Variants in GABRA3 observed in about 807,000 individuals in gnomAD.
GABRA3 encodes gamma-aminobutyric acid type A receptor subunit alpha3.
Under a neutral mutation model 30.1 loss-of-function variants are expected in GABRA3, and 10 were observed. The observed-to-expected ratio is 0.33, with a 90% CI of 0.20 to 0.56. GABRA3 has a LOEUF of 0.56. GABRA3 is among the 20% of genes least tolerant of loss of function. The pLI, the probability that GABRA3 is intolerant of heterozygous loss-of-function variation, is 0.89. For synonymous variants in GABRA3, 151 were observed against 146.8 expected (o/e 1.03, Z -0.21); for missense variants, 233 against 392.0 (o/e 0.59, Z 3.42).
intron 4 of GABRA3, among the ~76,000 whole-genome samples, chrX:152,257,214 T>A (rs1938651432): frequency 1.8e-5 from 2 of 111,677 alleles, no homozygotes; most frequent in South Asian, 3.8e-4. Flanking sequence ...GTGGAGGAAA[T>A]CTGAAAAAGT....
At chrX:152,189,407 A>T (rs1937295028) in intron 9 of GABRA3, among the ~76,000 whole-genome samples, 1 of 111,882 alleles carries the variant, frequency 8.9e-6, no homozygotes, top group Admixed American at 9.5e-5. Flanking sequence ...GGCCTTAGAG[A>T]TTGTACTCTG....
chrX:152,393,258 T>C (rs985362740), intron 1 of GABRA3, among the ~76,000 whole-genome samples: 1 of 112,424 alleles, frequency 8.9e-6, no homozygotes. Context: ...ATTTGACTGA[T>C]GTACAATTAG....
chrX:152,264,946 T>C (rs1326139377), intron 4 of GABRA3, among the ~76,000 whole-genome samples: 1 of 111,337 alleles, frequency 9.0e-6, no homozygotes, highest in Non-Finnish European at 1.9e-5. Context: ...CAATAGGAAA[T>C]AACAATTGTA....
Position 152,263,433 on chromosome X carries a change from T to C in GABRA3, c.331-7435A>G, listed in dbSNP as rs761855139. On this transcript the variant is annotated intron_variant, in intron 4 of 9. Coordinates refer to ENST00000370314, the MANE Select transcript of GABRA3 (RefSeq NM_000808.4). Reference sequence around the variant, plus strand: ...GAACTGAAAAATGCAATAGGCATACTGGAGAATGCATCAGAGTCTTTTAAT... The same window carrying C: ...GAACTGAAAAATGCAATAGGCATACCGGAGAATGCATCAGAGTCTTTTAAT... 2.3e-3 allele frequency among the ~76,000 whole-genome samples: 249 copies of C among 110,178 alleles called. 1 individual carries two copies. The highest frequency in any genetic ancestry group is 7.8e-3 in the African/African-American group (236 of 30,312).
chrX:152,242,028 C>T (rs1262601215), intron 5 of GABRA3, among the ~76,000 whole-genome samples: 1 of 111,704 alleles, frequency 9.0e-6, no homozygotes, highest in Non-Finnish European at 1.9e-5. Context: ...TTGGCTCCTC[C>T]TATTTGATTT....
chrX:152,303,547 G>C (rs1351150297), intron 3 of GABRA3, among the ~76,000 whole-genome samples: 1 of 111,707 alleles, frequency 9.0e-6, no homozygotes, highest in Non-Finnish European at 1.9e-5. Flanking sequence ...CAATAGCAAG[G>C]ACTTGTAACC....
intron 1 of GABRA3, among the ~76,000 whole-genome samples, chrX:152,368,701 CTTTTTTTTTTT>C (rs59912352): frequency 2.0e-5 from 1 of 49,567 alleles, no homozygotes; most frequent in South Asian, 1.6e-3. Context: ...AATTTTTTTT[CTTTTTTTTTTT>C]TTTTTTTTTT....
chrX:152,284,761 G>GA, intron 3 of GABRA3, 26 bp from the exon 4 acceptor site: 1 of 1,091,551 alleles, frequency 9.2e-7, no homozygotes. Flanking sequence ...TAGAAAAGCA[G>GA]AATGTCAGGA....
intron 5 of GABRA3, among the ~76,000 whole-genome samples, chrX:152,229,953 T>C (rs147581848): frequency 0.028 from 2,696 of 96,831 alleles, 44 homozygotes; most frequent in Middle Eastern, 0.066. Flanking sequence ...AACTGATAAA[T>C]GGCACTTACT....
At chrX:152,358,245 T>C (rs1215725923) in intron 2 of GABRA3, among the ~76,000 whole-genome samples, 1 of 111,306 alleles carries the variant, frequency 9.0e-6, no homozygotes, top group Non-Finnish European at 1.9e-5. Context: ...TGTGTTGTAA[T>C]GCTTATTGTA....
At chrX:152,371,383 A>T (rs898146861) in intron 1 of GABRA3, among the ~76,000 whole-genome samples, 4 of 111,327 alleles carry the variant, frequency 3.6e-5, no homozygotes, top group African/African-American at 9.8e-5. Context: ...TGTCAGCCAT[A>T]TACTTTAACC....
At chrX:152,237,512 G>GT (rs1938250029) in intron 5 of GABRA3, among the ~76,000 whole-genome samples, 1 of 101,689 alleles carries the variant, frequency 9.8e-6, no homozygotes, top group Non-Finnish European at 2.0e-5. Flanking sequence ...CTTTAAAGTA[G>GT]TTTTTTCCAA....
intron 4 of GABRA3, among the ~76,000 whole-genome samples, chrX:152,256,426 G>T (rs952768665): frequency 7.2e-5 from 8 of 110,941 alleles, no homozygotes; most frequent in Non-Finnish European, 1.5e-4. Context: ...ACATTTTATC[G>T]TACATTTAAT....
At chrX:152,421,634 A>G (rs1299425356) in intron 1 of GABRA3, among the ~76,000 whole-genome samples, 1 of 111,888 alleles carries the variant, frequency 8.9e-6, no homozygotes, top group African/African-American at 3.2e-5. Context: ...GATAACATGC[A>G]ATACATATAT....
chrX:152,178,309 C>T (rs1424295808), intron 9 of GABRA3, among the ~76,000 whole-genome samples: 1 of 110,326 alleles, frequency 9.1e-6, no homozygotes, highest in Non-Finnish European at 1.9e-5. Context: ...ATGATTACTG[C>T]TAGGCCACTT....
intron 4 of GABRA3, among the ~76,000 whole-genome samples, chrX:152,260,673 G>GT (rs1176374022): frequency 8.9e-6 from 1 of 111,797 alleles, no homozygotes; most frequent in African/African-American, 3.3e-5. Flanking sequence ...GAACCACAGT[G>GT]TTACTGAGCT....
intron 1 of GABRA3, among the ~76,000 whole-genome samples, chrX:152,440,871 G>C (rs777774334): frequency 9.0e-6 from 1 of 110,700 alleles, no homozygotes; most frequent in Non-Finnish European, 1.9e-5. Context: ...CAGGGGGTGG[G>C]AGGCTAGGGG....
chrX:152,262,013 C>T (rs1379028583), intron 4 of GABRA3, among the ~76,000 whole-genome samples: 1 of 112,607 alleles, frequency 8.9e-6, no homozygotes, highest in Non-Finnish European at 1.9e-5. Flanking sequence ...TGTGTACCTG[C>T]AGGCTCAACA....
intron 1 of GABRA3, among the ~76,000 whole-genome samples, chrX:152,380,811 C>T (rs1929122791): frequency 9.0e-6 from 1 of 111,526 alleles, no homozygotes; most frequent in South Asian, 3.7e-4. Flanking sequence ...TATATCATTG[C>T]TATGTTATGA....
Sources: gnomAD v4.1 joint callset for allele counts (sites outside exome capture counted in the v4.1 genomes callset) on GRCh38, gnomAD v4.1.1 for gene constraint, MANE v1.5 for transcripts, NCBI Gene and HGNC (gene_info 2026-07-23, HGNC 2026-07-21) for gene names.